PEX5L: variants seen among roughly 807,000 people sequenced by gnomAD.
The protein encoded by PEX5L is PEX5-related protein.
A neutral mutation model predicts 84.0 loss-of-function variants in PEX5L; 30 were observed. The ratio of observed to expected loss-of-function variants is 0.36; its 90% CI spans 0.27 to 0.48. PEX5L has a LOEUF of 0.48. PEX5L is among the 20% of genes least tolerant of loss of function. The pLI, the probability that PEX5L is intolerant of heterozygous loss-of-function variation, is 0.99. For missense variants in PEX5L, 533 were observed against 754.6 expected (o/e 0.71, Z 3.44); for synonymous variants, 270 against 283.1 (o/e 0.95, Z 0.46).
intron 1 of PEX5L, among the ~76,000 whole-genome samples, chr3:180,025,311 C>A (rs749872727): frequency 1.3e-5 from 2 of 152,138 alleles, no homozygotes; most frequent in Non-Finnish European, 2.9e-5. Context: ...ATTTCACATT[C>A]ATTCATTTAA....
chr3:180,000,723 C>T (rs1436935622), intron 1 of PEX5L, among the ~76,000 whole-genome samples: 4 of 152,116 alleles, frequency 2.6e-5, no homozygotes, highest in Non-Finnish European at 4.4e-5. Flanking sequence ...TATCACGTGA[C>T]ATCAGATTTA....
intron 2 of PEX5L, among the ~76,000 whole-genome samples, chr3:179,920,947 T>C (rs1769166169): frequency 1.3e-5 from 2 of 152,218 alleles, no homozygotes; most frequent in East Asian, 1.9e-4. Context: ...CAGTATAAAA[T>C]CAAAGGAGAA....
intron 1 of PEX5L, among the ~76,000 whole-genome samples, chr3:179,976,864 G>A (rs544201006): frequency 2.6e-5 from 4 of 152,224 alleles, no homozygotes; most frequent in Admixed American, 1.3e-4. Context: ...TAAAGATACT[G>A]ATCATGTTTA....
intron 2 of PEX5L, among the ~76,000 whole-genome samples, chr3:179,909,050 C>G (rs1180144402): frequency 6.6e-6 from 1 of 152,114 alleles, no homozygotes; most frequent in African/African-American, 2.4e-5. Flanking sequence ...CTCATGGGCT[C>G]TGTTGGCTTA....
intron 2 of PEX5L, among the ~76,000 whole-genome samples, chr3:179,916,382 A>G (rs13073937): frequency 0.15 from 22,605 of 152,146 alleles, 1,800 homozygotes; most frequent in South Asian, 0.3. Context: ...TTGTGTATCC[A>G]AACATATCTA....
intron 4 of PEX5L, among the ~76,000 whole-genome samples, chr3:179,881,799 T>C (rs895891728): frequency 6.6e-5 from 10 of 152,290 alleles, no homozygotes; most frequent in South Asian, 6.2e-4. Flanking sequence ...AAATTTATCA[T>C]AAAGTGGCCT....
chr3:179,843,623 A>T (rs543831232), intron 8 of PEX5L, among the ~76,000 whole-genome samples: 2 of 152,336 alleles, frequency 1.3e-5, no homozygotes, highest in African/African-American at 4.8e-5. Flanking sequence ...AAAATATGGA[A>T]ATTGTCAATG....
chr3:179,975,298 G>T (rs1406285904), intron 1 of PEX5L, among the ~76,000 whole-genome samples: 2 of 152,134 alleles, frequency 1.3e-5, no homozygotes, highest in Admixed American at 1.3e-4. Context: ...AATCTGATGG[G>T]CTAGAGATCT....
chr3:179,803,033 T>C (rs1288643832), intron 14 of PEX5L, among the ~76,000 whole-genome samples: 2 of 152,128 alleles, frequency 1.3e-5, no homozygotes, highest in Non-Finnish European at 2.9e-5. Context: ...ATCAATGAGG[T>C]CAAAATTATT....
At chr3:179,803,562 G>C (rs867489678) in intron 14 of PEX5L, among the ~76,000 whole-genome samples, 1 of 152,138 alleles carries the variant, frequency 6.6e-6, no homozygotes, top group Non-Finnish European at 1.5e-5. Flanking sequence ...GCCCTCTTCA[G>C]CAGCCCCATT....
intron 1 of PEX5L, among the ~76,000 whole-genome samples, chr3:179,993,108 A>C (rs1787542097): frequency 1.3e-5 from 2 of 152,136 alleles, no homozygotes; most frequent in East Asian, 1.9e-4. Context: ...AAAGAAAGAA[A>C]AACTAATATA....
intron 1 of PEX5L, among the ~76,000 whole-genome samples, chr3:180,003,880 C>T (rs1579307068): frequency 1.3e-5 from 2 of 152,154 alleles, no homozygotes; most frequent in East Asian, 3.8e-4. Flanking sequence ...GGAATTCACA[C>T]AATAGTGATT....
chr3:179,881,797 C>T (rs1217390142), intron 4 of PEX5L, among the ~76,000 whole-genome samples: 1 of 152,148 alleles, frequency 6.6e-6, no homozygotes, highest in Non-Finnish European at 1.5e-5. Flanking sequence ...GTAAATTTAT[C>T]ATAAAGTGGC....
At chr3:179,973,564 G>C in intron 1 of PEX5L, 2 of 973,536 alleles carry the variant, frequency 2.1e-6, no homozygotes, top group Non-Finnish European at 2.4e-6. Context: ...TCTGCATATG[G>C]ACTCTTCAGC....
intron 7 of PEX5L, among the ~76,000 whole-genome samples, chr3:179,867,310 A>G (rs1301890018): frequency 1.3e-5 from 2 of 152,170 alleles, no homozygotes; most frequent in African/African-American, 4.8e-5. Context: ...AATTAACTTC[A>G]GCTGCTACTT....
At position 179,887,859 on chromosome 3, in the gene PEX5L, C is replaced by A. The variant is rs41265425; in HGVS notation, c.199-75G>T. 290,149 of 957,874 alleles carry A rather than the reference C, an allele frequency of 0.3. 47,051 individuals are homozygous for A. Among genetic ancestry groups the A allele is most frequent in the Non-Finnish European group, 0.33 (198,814 of 601,940 alleles). 59.3% of individuals were successfully genotyped at this position (957,874 alleles called of 1,614,324 possible). A position where few individuals can be genotyped will look rare whatever the true frequency, so the allele number is the denominator to read the frequency against. On this transcript the variant is annotated intron_variant, in intron 3 of 14. Coordinates refer to ENST00000467460, the MANE Select transcript of PEX5L (RefSeq NM_016559.3). Reference sequence around the variant, plus strand: ...TCAGATGAATTAAAATGCAGCCTTGCAACAAAATGAGAATAGCAAGCCTAC... The same window carrying A: ...TCAGATGAATTAAAATGCAGCCTTGAAACAAAATGAGAATAGCAAGCCTAC...
At chr3:179,903,319 C>G (rs369386684) in intron 2 of PEX5L, among the ~76,000 whole-genome samples, 8 of 152,046 alleles carry the variant, frequency 5.3e-5, no homozygotes, top group African/African-American at 1.9e-4. Flanking sequence ...CTCCTCGGCT[C>G]ATGTGGATCC....
At chr3:179,879,813 T>C in intron 5 of PEX5L, 116 bp downstream of exon 5, 1 of 663,986 alleles carries the variant, frequency 1.5e-6, no homozygotes, top group Non-Finnish European at 2.5e-6. Context: ...GTTTCCACCA[T>C]GGAATGCCTT....
chr3:179,971,570 A>C, intron 2 of PEX5L, 24 bp downstream of exon 2: 1 of 1,598,464 alleles, frequency 6.3e-7, no homozygotes. Context: ...GAACAGTAGA[A>C]AATGTACGTA....
Sources: allele counts gnomAD v4.1 joint callset (sites outside exome capture counted in the v4.1 genomes callset), GRCh38; gene constraint gnomAD v4.1.1; transcripts MANE v1.5; gene names NCBI Gene and HGNC (gene_info 2026-07-23, HGNC 2026-07-21).